The following RSRC1 variants were observed in gnomAD, a reference collection of about 807,000 sequenced individuals.
The protein encoded by RSRC1 is arginine and serine rich coiled-coil 1.
A neutral mutation model predicts 49.1 loss-of-function variants in RSRC1; 39 were observed. That is an observed-to-expected ratio of 0.79 (90% CI 0.61 to 1.04). RSRC1 has a LOEUF of 1.04. Ranked by LOEUF, RSRC1 falls within the 50% of genes least tolerant of loss-of-function variation. The pLI, the probability that RSRC1 is intolerant of heterozygous loss-of-function variation, is 0.00. For missense variants in RSRC1, 388 were observed against 402.4 expected (o/e 0.96, Z 0.31); for synonymous variants, 143 against 130.8 (o/e 1.09, Z -0.63).
intron 4 of RSRC1, among the ~76,000 whole-genome samples, chr3:158,224,682 C>A (rs1472271588): frequency 6.6e-6 from 1 of 151,752 alleles, no homozygotes; most frequent in Non-Finnish European, 1.5e-5. Context: ...CCCCTCCCCT[C>A]CACTTTACAT....
chr3:158,429,143 T>C (rs1219701876), intron 6 of RSRC1, among the ~76,000 whole-genome samples: 1 of 151,910 alleles, frequency 6.6e-6, no homozygotes, highest in African/African-American at 2.4e-5. Context: ...CTTTCAGCCC[T>C]TCTAATAATT....
chr3:158,261,182 C>T (rs1384927376), intron 4 of RSRC1, among the ~76,000 whole-genome samples: 1 of 152,172 alleles, frequency 6.6e-6, no homozygotes, highest in Admixed American at 6.5e-5. Flanking sequence ...TAACAGATTG[C>T]CAAATTATTT....
chr3:158,343,623 A>G (rs1316908536), intron 5 of RSRC1, among the ~76,000 whole-genome samples: 1 of 152,190 alleles, frequency 6.6e-6, no homozygotes, highest in African/African-American at 2.4e-5. Flanking sequence ...AGAGACATGG[A>G]AACTATTTTA....
In RSRC1 at chr3:158,122,197, T is replaced by TG. The variant is rs1475287671; in HGVS notation, c.93_94insG (p.Ser32GlufsTer2). On this transcript the variant is annotated frameshift_variant, in exon 2 of 10. Coordinates refer to ENST00000611884, the MANE Select transcript of RSRC1 (RefSeq NM_001271838.2). LOFTEE classifies it high-confidence loss of function. ...GGTCCTCCTCGAGCAGTTCTTCAGA[T>TG]AGTAGAACATACAGCCGAAAGAAAG... The TG allele has an allele frequency of 6.2e-7, 1 of 1,608,390 alleles. No individual in the cohort carries two copies. The highest frequency in any genetic ancestry group is 8.5e-7 in the Non-Finnish European group (1 of 1,176,594).
At chr3:158,112,910 C>T (rs575458880) in intron 1 of RSRC1, among the ~76,000 whole-genome samples, 29 of 152,246 alleles carry the variant, frequency 1.9e-4, no homozygotes, top group South Asian at 4.1e-4. Flanking sequence ...GTTTTCTCTT[C>T]CTGCGTTAGT....
intron 3 of RSRC1, among the ~76,000 whole-genome samples, chr3:158,157,732 A>G (rs1343905157): frequency 6.6e-6 from 1 of 152,156 alleles, no homozygotes; most frequent in Non-Finnish European, 1.5e-5. Flanking sequence ...CCTGACCAAC[A>G]TGGAGAAACC....
chr3:158,516,711 A>T (rs1740559282), intron 7 of RSRC1, among the ~76,000 whole-genome samples: 1 of 152,162 alleles, frequency 6.6e-6, no homozygotes, highest in South Asian at 2.1e-4. Flanking sequence ...GCCGCCTTGC[A>T]GTTTGATCTC....
chr3:158,321,269 C>G (rs1241518980), intron 5 of RSRC1, among the ~76,000 whole-genome samples: 1 of 97,042 alleles, frequency 1.0e-5, no homozygotes, highest in East Asian at 4.0e-4. Flanking sequence ...TCTTTTTCTT[C>G]TTCCTCTTCC....
At chr3:158,337,423 G>A (rs960003377) in intron 5 of RSRC1, among the ~76,000 whole-genome samples, 1 of 152,162 alleles carries the variant, frequency 6.6e-6, no homozygotes, top group Non-Finnish European at 1.5e-5. Context: ...CTGCCAATCC[G>A]AGAGCTGCTC....
intron 8 of RSRC1, among the ~76,000 whole-genome samples, chr3:158,542,499 C>A (rs981453414): frequency 6.6e-6 from 1 of 152,188 alleles, no homozygotes; most frequent in Admixed American, 6.5e-5. Flanking sequence ...TGTGCCACTG[C>A]ACTCCCACCT....
chr3:158,444,117 G>T (rs1247347943), intron 6 of RSRC1, among the ~76,000 whole-genome samples: 1 of 151,904 alleles, frequency 6.6e-6, no homozygotes, highest in Non-Finnish European at 1.5e-5. Flanking sequence ...AGTATTGTCA[G>T]AATTACCAAA....
At chr3:158,536,678 C>T (rs1712730567) in intron 7 of RSRC1, among the ~76,000 whole-genome samples, 1 of 151,198 alleles carries the variant, frequency 6.6e-6, no homozygotes, top group Non-Finnish European at 1.5e-5. Flanking sequence ...TTAAATATAT[C>T]AGATCCACCC....
intron 6 of RSRC1, among the ~76,000 whole-genome samples, chr3:158,358,180 A>G (rs997904181): frequency 4.6e-5 from 7 of 152,182 alleles, no homozygotes; most frequent in Admixed American, 2.0e-4. Context: ...CTGAGATTTT[A>G]TTGTATTTGG....
At chr3:158,276,871 A>G (rs1725848305) in intron 4 of RSRC1, among the ~76,000 whole-genome samples, 1 of 152,200 alleles carries the variant, frequency 6.6e-6, no homozygotes, top group Non-Finnish European at 1.5e-5. Context: ...GAAGAATACA[A>G]CACATCTCTT....
chr3:158,291,295 T>C (rs1245721650), intron 4 of RSRC1, among the ~76,000 whole-genome samples: 1 of 152,196 alleles, frequency 6.6e-6, no homozygotes, highest in Non-Finnish European at 1.5e-5. Flanking sequence ...TAATCTTTTA[T>C]TTACCAAGGA....
At chr3:158,254,228 G>A (rs769982174) in intron 4 of RSRC1, among the ~76,000 whole-genome samples, 2 of 152,124 alleles carry the variant, frequency 1.3e-5, no homozygotes, top group Non-Finnish European at 1.5e-5. Context: ...ATAAACATAC[G>A]TGTGCCTGTG....
In RSRC1 at chr3:158,543,973, T is replaced by G. The variant is rs575608274; in HGVS notation, c.913-210T>G. 8.5e-5 allele frequency among the ~76,000 whole-genome samples: 13 copies of G among 152,314 alleles called. No individual in the cohort carries two copies. In the South Asian group the frequency reaches 2.7e-3, roughly 32 times the overall value. On this transcript the variant is annotated intron_variant, in intron 9 of 9. Coordinates refer to ENST00000611884, the MANE Select transcript of RSRC1 (RefSeq NM_001271838.2). ...AAGGTACAAAATTGTTAAGCAATGA[T>G]GTTGATACTAGTAGTTCTTTTACTC...
intron 4 of RSRC1, among the ~76,000 whole-genome samples, chr3:158,270,079 A>G (rs28720767): frequency 0.012 from 1,810 of 152,184 alleles, 31 homozygotes; most frequent in African/African-American, 0.042. Flanking sequence ...ACATGATTCA[A>G]GACACCAGGT....
intron 4 of RSRC1, among the ~76,000 whole-genome samples, chr3:158,241,160 AGCAGTGGCTGGGCACG>A (rs1302120291): frequency 1.3e-5 from 2 of 152,168 alleles, no homozygotes; most frequent in Non-Finnish European, 2.9e-5. Context: ...TAAAAATGCC[AGCAGTGGCTGGGCACG>A]GTGGCTCACG....
Sources: gnomAD v4.1 joint callset for allele counts (sites outside exome capture counted in the v4.1 genomes callset) on GRCh38, gnomAD v4.1.1 for gene constraint, MANE v1.5 for transcripts, NCBI Gene and HGNC (gene_info 2026-07-23, HGNC 2026-07-21) for gene names.